Variants in NRCAM observed in about 807,000 individuals in gnomAD.
The protein encoded by NRCAM is neuronal cell adhesion molecule, also known as NgCAM-related cell adhesion molecule.
Under a neutral mutation model 156.5 loss-of-function variants are expected in NRCAM, and 83 were observed. The observed-to-expected ratio is 0.53, with a 90% CI of 0.44 to 0.64. The LOEUF is 0.64. Ranked by LOEUF, NRCAM falls within the 30% of genes least tolerant of loss-of-function variation. The pLI is 0.00. For synonymous variants in NRCAM, 538 were observed against 563.9 expected, an observed-to-expected ratio of 0.95 and a Z score of 0.65; for missense variants, 1,417 against 1,597.3, an observed-to-expected ratio of 0.89 and a Z score of 1.92.
intron 3 of NRCAM, among the ~76,000 whole-genome samples, chr7:108,241,797 T>C (rs2095545250): frequency 6.6e-6 from 1 of 152,200 alleles, no homozygotes; most frequent in Non-Finnish European, 1.5e-5. Flanking sequence ...TTATACTGCT[T>C]GGTTTAAAAA....
chr7:108,253,517 G>A (rs1020893347), intron 3 of NRCAM, among the ~76,000 whole-genome samples: 6 of 152,198 alleles, frequency 3.9e-5, no homozygotes, highest in African/African-American at 1.4e-4. Flanking sequence ...ACTAAGTGAG[G>A]GTGATGAGGC....
intron 2 of NRCAM, among the ~76,000 whole-genome samples, chr7:108,393,672 G>A (rs1029901789): frequency 7.9e-5 from 12 of 152,268 alleles, no homozygotes; most frequent in South Asian, 2.1e-4. Flanking sequence ...CTTCTGTGTC[G>A]CTCAAGCTGG....
At chr7:108,170,303 C>G (rs2057681682) in intron 28 of NRCAM, among the ~76,000 whole-genome samples, 2 of 152,106 alleles carry the variant, frequency 1.3e-5, no homozygotes, top group African/African-American at 4.8e-5. Flanking sequence ...CACAGAAAGG[C>G]AAATATTGCG....
chr7:108,191,609 G>T (rs1442734638), intron 18 of NRCAM, 120 bp downstream of exon 18: 18 of 1,215,400 alleles, frequency 1.5e-5, no homozygotes, highest in Non-Finnish European at 2.0e-5. Context: ...AAAAACATGG[G>T]TATGAACTCA....
intron 2 of NRCAM, among the ~76,000 whole-genome samples, chr7:108,361,771 G>A (rs1029532436): frequency 1.3e-5 from 2 of 152,102 alleles, no homozygotes; most frequent in African/African-American, 4.8e-5. Flanking sequence ...TATTATATAT[G>A]TAAATGTACG....
chr7:108,310,056 T>C (rs2098780438), intron 3 of NRCAM, among the ~76,000 whole-genome samples: 1 of 152,184 alleles, frequency 6.6e-6, no homozygotes, highest in South Asian at 2.1e-4. Flanking sequence ...CAACTCGGTA[T>C]TGTAAAGTCC....
chr7:108,372,226 C>T (rs145664618), intron 2 of NRCAM, among the ~76,000 whole-genome samples: 1 of 152,034 alleles, frequency 6.6e-6, no homozygotes, highest in Non-Finnish European at 1.5e-5. Flanking sequence ...AGCTTAAAGA[C>T]TTAAAGGTAA....
At chr7:108,358,727 A>T (rs1328692900) in intron 2 of NRCAM, among the ~76,000 whole-genome samples, 1 of 152,190 alleles carries the variant, frequency 6.6e-6, no homozygotes, top group Non-Finnish European at 1.5e-5. Context: ...CCCTCCTGTC[A>T]AGGGGAGTTT....
intron 1 of NRCAM, among the ~76,000 whole-genome samples, chr7:108,435,508 T>C (rs563384047): frequency 1.6e-4 from 24 of 151,972 alleles, no homozygotes; most frequent in Admixed American, 2.6e-4. Context: ...CAAATAATAG[T>C]TGAAAATCTC....
chr7:108,156,852 T>C (rs1294634064), intron 32 of NRCAM, among the ~76,000 whole-genome samples: 1 of 152,126 alleles, frequency 6.6e-6, no homozygotes, highest in Non-Finnish European at 1.5e-5. Context: ...CTTAAATGTA[T>C]TAAAAATAAA....
chr7:108,438,526 A>G lies in NRCAM; in HGVS notation c.-332+17717T>C, dbSNP rs146672457. Among the ~76,000 whole-genome samples, 522 of 152,300 alleles carry G rather than the reference A, an allele frequency of 3.4e-3. 4 individuals are homozygous for G. Among genetic ancestry groups the G allele is most frequent in the African/African-American group, 0.012 (502 of 41,580 alleles). On this transcript the variant is annotated intron_variant, in intron 1 of 32. Coordinates refer to ENST00000379028, the MANE Select transcript of NRCAM (RefSeq NM_001037132.4). ...CTCAACTAAATAAATGACTTCTATT[A>G]AAAAATCTACAGTTAACATACCTAA...
At chr7:108,153,357 G>A (rs1422622748) in intron 32 of NRCAM, among the ~76,000 whole-genome samples, 1 of 151,858 alleles carries the variant, frequency 6.6e-6, no homozygotes, top group Admixed American at 6.6e-5. Flanking sequence ...GATAATCTCA[G>A]TAAATTTAGA....
intron 2 of NRCAM, among the ~76,000 whole-genome samples, chr7:108,313,616 G>C (rs1169409251): frequency 2.0e-5 from 3 of 152,096 alleles, no homozygotes; most frequent in African/African-American, 2.4e-5. Flanking sequence ...GCTTATGTAT[G>C]TGTTATAAAA....
chr7:108,337,049 G>C (rs1437403043), intron 2 of NRCAM, among the ~76,000 whole-genome samples: 1 of 152,094 alleles, frequency 6.6e-6, no homozygotes, highest in East Asian at 1.9e-4. Flanking sequence ...TGAATCGCTT[G>C]AGGCCAGGAA....
chr7:108,190,402 C>A (rs1419889850), intron 19 of NRCAM, among the ~76,000 whole-genome samples: 2 of 152,136 alleles, frequency 1.3e-5, no homozygotes, highest in African/African-American at 2.4e-5. Context: ...TACTGTTCCC[C>A]CCAGGCCTTT....
chr7:108,182,025 G>C, intron 23 of NRCAM, 88 bp from the exon 24 acceptor site: 4 of 923,542 alleles, frequency 4.3e-6, no homozygotes, highest in Non-Finnish European at 6.9e-6. Context: ...ATTTTGGCTT[G>C]AAGCATACTG....
intron 2 of NRCAM, chr7:108,328,350 C>G (rs1290841343): frequency 6.6e-6 from 1 of 152,176 alleles, no homozygotes; most frequent in African/African-American, 2.4e-5. Flanking sequence ...AGAGGAGGAA[C>G]AAAAACCAGC....
At chr7:108,303,537 C>T (rs2098665354) in intron 3 of NRCAM, among the ~76,000 whole-genome samples, 2 of 152,264 alleles carry the variant, frequency 1.3e-5, no homozygotes, top group East Asian at 3.9e-4. Context: ...CAGCTCTGAC[C>T]ACGTGACTCC....
intron 11 of NRCAM, among the ~76,000 whole-genome samples, chr7:108,220,580 A>C (rs760508306): frequency 2.0e-5 from 3 of 152,180 alleles, no homozygotes; most frequent in African/African-American, 2.4e-5. Flanking sequence ...CAAAGCAAAC[A>C]AAAACATAAA....
Sources: allele counts gnomAD v4.1 joint callset (sites outside exome capture counted in the v4.1 genomes callset), GRCh38; gene constraint gnomAD v4.1.1; transcripts MANE v1.5; gene names NCBI Gene and HGNC (gene_info 2026-07-23, HGNC 2026-07-21).